FBXO38: variants seen among roughly 807,000 people sequenced by gnomAD.
FBXO38 encodes the protein F-box protein 38, also known as F-box only protein 38.
FBXO38 carries 53 observed loss-of-function variants against 131.9 expected under a neutral mutation model. The ratio of observed to expected loss-of-function variants is 0.40; its 90% CI spans 0.32 to 0.51. The LOEUF (loss-of-function observed/expected upper bound fraction) is 0.51. Ranked by LOEUF, FBXO38 falls within the 20% of genes least tolerant of loss-of-function variation. FBXO38 has a pLI of 0.53. For synonymous variants in FBXO38, 452 were observed against 505.6 expected, an observed-to-expected ratio of 0.89 and a Z score of 1.42; for missense variants, 1,076 against 1,475.6, an observed-to-expected ratio of 0.73 and a Z score of 4.44.
At chr5:148,416,130 T>A in intron 11 of FBXO38, 60 bp downstream of exon 11, 1 of 1,449,266 alleles carries the variant, frequency 6.9e-7, no homozygotes, top group Non-Finnish European at 9.2e-7. Flanking sequence ...AAAAACAGCC[T>A]GTGATTTTTT....
chr5:148,430,627 G>A (rs1435220379), intron 15 of FBXO38: 2 of 151,880 alleles, frequency 1.3e-5, no homozygotes, highest in Non-Finnish European at 2.9e-5. Flanking sequence ...CACCACACTC[G>A]GCCCAAATTA....
At position 148,398,980 on chromosome 5, in the gene FBXO38, G is replaced by T. The variant is rs1751986809; in HGVS notation, c.129-19G>T. 1 of 1,612,518 alleles carries T rather than the reference G, an allele frequency of 6.2e-7. No homozygotes were observed. The highest frequency in any genetic ancestry group is 8.5e-7 in the Non-Finnish European group (1 of 1,179,092). ...ATACTTATCCACTTGATAAATACGAGTTTCTTTCTCTCACAAAGGTACCTC... is the reference window on the plus strand; with the variant it reads ...ATACTTATCCACTTGATAAATACGATTTTCTTTCTCTCACAAAGGTACCTC... On this transcript the variant is annotated intron_variant, in intron 2 of 21. Coordinates refer to ENST00000340253, the MANE Select transcript of FBXO38 (RefSeq NM_205836.3).
intron 12 of FBXO38, among the ~76,000 whole-genome samples, chr5:148,423,413 A>G (rs1753549063): frequency 6.6e-6 from 1 of 152,244 alleles, no homozygotes; most frequent in Non-Finnish European, 1.5e-5. Context: ...AACATTTAGC[A>G]TAGAGCCTGC....
At chr5:148,414,363 T>C in intron 10 of FBXO38, 57 bp downstream of exon 10, 2 of 1,357,034 alleles carry the variant, frequency 1.5e-6, no homozygotes, top group Non-Finnish European at 1.0e-6. Context: ...AATACAACTT[T>C]CCATGTTTTC....
At chr5:148,397,417 C>T (rs1207234432) in intron 2 of FBXO38, among the ~76,000 whole-genome samples, 1 of 152,066 alleles carries the variant, frequency 6.6e-6, no homozygotes, top group African/African-American at 2.4e-5. Flanking sequence ...TAGGCAAATA[C>T]ATTGGATAAC....
At chr5:148,423,930 A>C in intron 12 of FBXO38, 68 bp from the exon 13 acceptor site, 1 of 1,490,708 alleles carries the variant, frequency 6.7e-7, no homozygotes, top group Non-Finnish European at 9.1e-7. Flanking sequence ...GGGCGGCCAC[A>C]GTTTTGCCTG....
chr5:148,404,283 G>A (rs1752318807), intron 5 of FBXO38, among the ~76,000 whole-genome samples: 2 of 152,186 alleles, frequency 1.3e-5, no homozygotes, highest in South Asian at 4.1e-4. Flanking sequence ...GGCAGTGGAT[G>A]TTGGTAGTCA....
rs769759362 is a variant in FBXO38 at position 148,441,321 on chromosome 5, G to A, written c.3388+84G>A. On this transcript the variant is annotated intron_variant, in intron 21 of 21. Coordinates refer to ENST00000340253, the MANE Select transcript of FBXO38 (RefSeq NM_205836.3). ...ATACTTAATATCTTTTTGTGAGTTA[G>A]GAGCAGTGCAGTGTTAAATGGTTTC... 3.1e-5 allele frequency: 30 copies of A among 971,432 alleles called. No individual in the cohort carries two copies. The Middle Eastern group carries it at 6.2e-4, about 20-fold the overall frequency. 60.2% of individuals were successfully genotyped at this position (971,432 alleles called of 1,614,324 possible). A position where few individuals can be genotyped will look rare whatever the true frequency, so the allele number is the denominator to read the frequency against.
chr5:148,401,602 G>A (rs553893558), intron 3 of FBXO38, among the ~76,000 whole-genome samples: 4 of 152,206 alleles, frequency 2.6e-5, no homozygotes, highest in East Asian at 1.9e-4. Flanking sequence ...TTTTACAGAC[G>A]AGAGTACCCA....
intron 17 of FBXO38, among the ~76,000 whole-genome samples, chr5:148,435,316 T>C (rs1289177325): frequency 6.6e-6 from 1 of 152,182 alleles, no homozygotes; most frequent in Non-Finnish European, 1.5e-5. Flanking sequence ...TGCTTTCTTA[T>C]CATTTGTGGG....
rs143682696 is a variant in FBXO38, at chr5:148,442,127, G to A, written c.3547G>A (p.Val1183Ile). 6.1e-4 allele frequency: 989 copies of A among 1,613,944 alleles called. No homozygotes were observed. Among genetic ancestry groups the A allele is most frequent in the Non-Finnish European group, 6.8e-4 (804 of 1,179,880 alleles). ...CTATTGTGATGTCAATGGAGAGCCA[G>A]TTGAAGATGACTACATTTAATTGGT... is the stretch of plus-strand genomic sequence containing the variant. Reference protein sequence around the residue: ...IHYCDVNGEPVEDDYI With the variant: ...IHYCDVNGEPIEDDYI The change falls in exon 22 of 22, where the codon GTT becomes ATT. Residue 1183 changes from valine (V) to isoleucine (I), a missense_variant. Coordinates refer to ENST00000340253, the MANE Select transcript of FBXO38 (RefSeq NM_205836.3).
Position 148,404,712 on chromosome 5 carries a change from T to G in FBXO38, c.620T>G (p.Ile207Ser). The G allele has an allele frequency of 6.3e-7, 1 of 1,593,372 alleles. No homozygotes were observed. The highest frequency in any genetic ancestry group is 1.2e-5 in the South Asian group (1 of 86,026). Residue 207 changes from isoleucine (I) to serine (S), a missense_variant, in exon 6 of 22, where the codon ATC becomes AGC. This residue lies in a region of FBXO38 where 66 missense variants were observed against 72.4 expected (regional missense o/e 0.91). Coordinates refer to ENST00000340253, the MANE Select transcript of FBXO38 (RefSeq NM_205836.3). ...GTGAATGTTCCTGAAATTCCTTGTA[T>G]CCCAATGCTAAGGCACCTTTATATG... ...VGVNVPEIPC[I>S]PMLRHLYMKW...
intron 12 of FBXO38, among the ~76,000 whole-genome samples, chr5:148,419,302 G>A (rs896592281): frequency 1.3e-5 from 2 of 152,170 alleles, no homozygotes; most frequent in African/African-American, 4.8e-5. Context: ...ACTCCCACAT[G>A]GTAGTGTGTT....
chr5:148,412,978 T>C (rs1752845946), intron 9 of FBXO38, among the ~76,000 whole-genome samples: 1 of 152,048 alleles, frequency 6.6e-6, no homozygotes. Context: ...AAAAACTAAA[T>C]GCAAGACATC....
chr5:148,384,026 G>C lies in FBXO38; in HGVS notation c.-77G>C, dbSNP rs1401600846. On this transcript the variant is annotated 5_prime_UTR_variant, in exon 1 of 22. Transcript: ENST00000340253. ...TCCCTCTCAACCACAATAACAGGCG[G>C]AGGGTCGGCGTAGGTGAGGCGGCGG... is the stretch of plus-strand genomic sequence containing the variant. The C allele has an allele frequency of 6.5e-6, 1 of 153,002 alleles. No individual in the cohort carries two copies. Among genetic ancestry groups the C allele is most frequent in the Admixed American group, 6.5e-5 (1 of 15,290 alleles). 9.5% of individuals were successfully genotyped at this position (153,002 alleles called of 1,614,324 possible). A position where few individuals can be genotyped will look rare whatever the true frequency, so the allele number is the denominator to read the frequency against.
intron 5 of FBXO38, among the ~76,000 whole-genome samples, chr5:148,404,427 A>T (rs1752326176): frequency 6.6e-6 from 1 of 152,148 alleles, no homozygotes; most frequent in African/African-American, 2.4e-5. Flanking sequence ...TGTCTAAGAC[A>T]TAGAAATACT....
intron 12 of FBXO38, among the ~76,000 whole-genome samples, chr5:148,418,930 A>G (rs1753233309): frequency 6.6e-6 from 1 of 152,222 alleles, no homozygotes; most frequent in South Asian, 2.1e-4. Flanking sequence ...GGAAAATGGA[A>G]CTTACATCTT....
chr5:148,396,739 T>C (rs941920901), intron 2 of FBXO38, among the ~76,000 whole-genome samples: 19 of 152,160 alleles, frequency 1.2e-4, no homozygotes, highest in African/African-American at 4.3e-4. Flanking sequence ...GCAATCCTTT[T>C]GCCTTAGGGG....
At chr5:148,414,103 CTT>C (rs371191634) in intron 9 of FBXO38, 31 bp from the exon 10 acceptor site, 429 of 1,215,684 alleles carry the variant, frequency 3.5e-4, no homozygotes, top group South Asian at 8.3e-4. Flanking sequence ...AAGAATTTGA[CTT>C]TTTTTTTTTT....
Sources: gnomAD v4.1 joint callset for allele counts (sites outside exome capture counted in the v4.1 genomes callset) on GRCh38, gnomAD v4.1.1 for gene constraint, gnomAD v4.1.1 regional missense constraint, MANE v1.5 for transcripts, NCBI Gene and HGNC (gene_info 2026-07-23, HGNC 2026-07-21) for gene names.